Variants in MARF1 observed in about 807,000 individuals in gnomAD.
The protein encoded by MARF1 is meiosis regulator and mRNA stability factor 1.
Under a neutral mutation model 168.2 loss-of-function variants are expected in MARF1, and 24 were observed. The ratio of observed to expected loss-of-function variants is 0.14; its 90% CI spans 0.10 to 0.20. The LOEUF is 0.20. Ranked by LOEUF, MARF1 falls within the 10% of genes least tolerant of loss-of-function variation. The pLI is 1.00. For synonymous variants in MARF1, 868 were observed against 822.4 expected (o/e 1.06, Z -0.95); for missense variants, 1,744 against 2,143.6 (o/e 0.81, Z 3.68).
chr16:15,612,458 C>A, intron 17 of MARF1, 99 bp downstream of exon 17: 1 of 1,061,762 alleles, frequency 9.4e-7, no homozygotes, highest in South Asian at 1.3e-5. Flanking sequence ...CTGCCCAGAA[C>A]TGACTTCTTA....
rs1385265632 is a variant in MARF1, at chr16:15,635,606, A to T, written c.831+50T>A. ...TCAAGATAAATCCACTTCAAAAGTC[A>T]TTCCTCAATCCTCAGCTGCACCCAA... is the stretch of plus-strand genomic sequence containing the variant. On this transcript the variant is annotated intron_variant, in intron 3 of 26. Transcript: ENST00000396368. The T allele has an allele frequency of 4.0e-6, 6 of 1,506,000 alleles. No homozygotes were observed. In the Admixed American group the frequency reaches 1.0e-4, roughly 26 times the overall value. 93.3% of individuals were successfully genotyped at this position (1,506,000 alleles called of 1,614,324 possible). A position where few individuals can be genotyped will look rare whatever the true frequency, so the allele number is the denominator to read the frequency against.
At chr16:15,637,099 C>T (rs1436412978) in intron 2 of MARF1, among the ~76,000 whole-genome samples, 5 of 152,174 alleles carry the variant, frequency 3.3e-5, no homozygotes, top group Non-Finnish European at 7.4e-5. Flanking sequence ...GAATCTGATA[C>T]TCAATAGTTG....
intron 5 of MARF1, among the ~76,000 whole-genome samples, chr16:15,631,778 G>T (rs536863464): frequency 3.3e-5 from 5 of 152,076 alleles, no homozygotes; most frequent in Non-Finnish European, 5.9e-5. Flanking sequence ...CCCAGTGTGT[G>T]TTTTTCCCCT....
chr16:15,629,949 A>G (rs533947654), intron 7 of MARF1, among the ~76,000 whole-genome samples: 2 of 152,356 alleles, frequency 1.3e-5, no homozygotes, highest in African/African-American at 4.8e-5. Context: ...ATTTGGTGCC[A>G]ACCACACAAG....
chr16:15,604,877 A>G (rs1188621978), intron 21 of MARF1, among the ~76,000 whole-genome samples: 3 of 152,074 alleles, frequency 2.0e-5, no homozygotes, highest in African/African-American at 7.2e-5. Context: ...GGGAGGTGAG[A>G]GAGGGCCTAC....
In MARF1 at chr16:15,595,274, ATCTC is replaced by A. The variant is rs540661428; in HGVS notation, c.*1415_*1418del. ...GGAACAAAAAATCTGACTTGTAAAA[ATCTC>A]TCTATAGCCCTTATTTTGTGGCATT... On this transcript the variant is annotated 3_prime_UTR_variant, in exon 27 of 27. Coordinates refer to ENST00000396368, the MANE Select transcript of MARF1 (RefSeq NM_014647.4). 1 of 152,418 alleles carries A rather than the reference ATCTC, an allele frequency of 6.6e-6. No homozygotes were observed. Among genetic ancestry groups the A allele is most frequent in the Non-Finnish European group, 1.5e-5 (1 of 68,000 alleles). The allele number at this position is 152,418 out of a possible 1,614,324, so 9.4% of individuals were successfully genotyped here.
chr16:15,622,886 A>C, intron 11 of MARF1, 48 bp downstream of exon 11: 1 of 1,449,588 alleles, frequency 6.9e-7, no homozygotes, highest in Non-Finnish European at 9.3e-7. Flanking sequence ...TTGACTAGAG[A>C]CTCCATCAGA....
chr16:15,622,792 G>A, intron 11 of MARF1, 142 bp downstream of exon 11: 1 of 586,448 alleles, frequency 1.7e-6, no homozygotes. Flanking sequence ...ACCCTGAGCA[G>A]ACCAAAGGGA....
In MARF1 at chr16:15,611,629, G is replaced by C. The variant is rs1179007995; in HGVS notation, c.3580C>G (p.Gln1194Glu). 6.2e-7 allele frequency: 1 copy of C among 1,614,048 alleles called. No homozygotes were observed. The highest frequency in any genetic ancestry group is 1.7e-5 in the Admixed American group (1 of 60,002). ...TGTGAGAATTCTCTCACAATGACCT[G>C]TTTGCTGGCCTGGGATTTGAGAAGT... ...LKLLKSQASK[Q>E]VIVREFSQAY... Residue 1194 changes from glutamine to glutamate, a missense_variant, in exon 18 of 27, where the codon CAG becomes GAG. Transcript: ENST00000396368.
chr16:15,608,024 G>A (rs2033164676), intron 21 of MARF1, among the ~76,000 whole-genome samples: 1 of 152,144 alleles, frequency 6.6e-6, no homozygotes, highest in Non-Finnish European at 1.5e-5. Context: ...GGTGAAGAGT[G>A]ACCTCATCAG....
intron 21 of MARF1, among the ~76,000 whole-genome samples, chr16:15,605,130 C>T (rs994545576): frequency 4.6e-5 from 7 of 152,168 alleles, no homozygotes; most frequent in African/African-American, 1.2e-4. Context: ...CTGTGGGTGG[C>T]GAGGGTGAGG....
At chr16:15,616,124 C>A in intron 15 of MARF1, 119 bp from the exon 16 acceptor site, 2 of 807,854 alleles carry the variant, frequency 2.5e-6, no homozygotes, top group Non-Finnish European at 3.5e-6. Flanking sequence ...TCTGAATGCC[C>A]ACCACCAGGT....
At chr16:15,628,660 C>G (rs1419004317) in intron 7 of MARF1, among the ~76,000 whole-genome samples, 1 of 152,122 alleles carries the variant, frequency 6.6e-6, no homozygotes, top group African/African-American at 2.4e-5. Context: ...TGGTGATCTG[C>G]CCACCTCAGC....
rs532223261 is a variant in MARF1, at chr16:15,634,006, C to G, written c.1007-163G>C. Among the ~76,000 whole-genome samples, 5 of 152,242 alleles carry G rather than the reference C, an allele frequency of 3.3e-5. No individual in the cohort carries two copies. The South Asian group carries it at 1.0e-3, about 32-fold the overall frequency. On this transcript the variant is annotated intron_variant, in intron 4 of 26. Transcript: ENST00000396368. ...CTCACTGGTTGACCTAATAAGCAAT[C>G]AAGCTGTCAAAAAGTATCACTCTAA...
intron 21 of MARF1, among the ~76,000 whole-genome samples, chr16:15,607,169 C>T (rs1284439819): frequency 6.6e-6 from 1 of 152,194 alleles, no homozygotes; most frequent in African/African-American, 2.4e-5. Context: ...CCTCCTCCTC[C>T]AACCAATCAG....
intron 20 of MARF1, 119 bp from the exon 21 acceptor site, chr16:15,608,637 A>G (rs2033240866): frequency 2.9e-6 from 2 of 683,376 alleles, no homozygotes; most frequent in Non-Finnish European, 5.0e-6. Context: ...GAATGGGTAT[A>G]AAGTTTCAGT....
chr16:15,633,587 G>C (rs1010467183), intron 5 of MARF1, 30 bp downstream of exon 5: 1 of 1,430,178 alleles, frequency 7.0e-7, no homozygotes, highest in Non-Finnish European at 9.6e-7. Flanking sequence ...CTCTACTGTA[G>C]ATTAAAATTA....
intron 25 of MARF1, among the ~76,000 whole-genome samples, chr16:15,599,563 C>CA (rs2032186605): frequency 2.0e-5 from 3 of 152,202 alleles, no homozygotes; most frequent in African/African-American, 7.2e-5. Flanking sequence ...CTGTGTAACT[C>CA]AGTTATCCTA....
rs772850962 is a variant in MARF1 at position 15,621,890 on chromosome 16, G to T, written c.2482C>A (p.Pro828Thr). ...GCCTTGAGTTGATAATCTGTATGGG[G>T]GCTGAGCTCAACACTCTTCACCTAC... ...HGKVKSVELSPHTDYQLKAVV... is the reference protein window; with the variant it reads ...HGKVKSVELSTHTDYQLKAVV... Residue 828 changes from proline (P) to threonine (T), a missense_variant, in exon 12 of 27, where the codon CCC becomes ACC. Physicochemically the swap from Pro to Thr is conservative, Grantham distance 38 (BLOSUM62 -1). This residue lies in a region of MARF1 where 543 missense variants were observed against 742.1 expected (regional missense o/e 0.73). Transcript: ENST00000396368. The T allele has an allele frequency of 1.2e-6, 2 of 1,613,972 alleles. No homozygotes were observed. The highest frequency in any genetic ancestry group is 1.7e-6 in the Non-Finnish European group (2 of 1,179,988).
Sources: allele counts gnomAD v4.1 joint callset (sites outside exome capture counted in the v4.1 genomes callset), GRCh38; gene constraint gnomAD v4.1.1; regional missense constraint gnomAD v4.1.1; transcripts MANE v1.5; gene names NCBI Gene and HGNC (gene_info 2026-07-23, HGNC 2026-07-21).